Variants in EIF4G3 observed in about 807,000 individuals in gnomAD.
EIF4G3 encodes the protein eIF-4-gamma 3.
A neutral mutation model predicts 186.4 loss-of-function variants in EIF4G3; 34 were observed. The ratio of observed to expected loss-of-function variants is 0.18; its 90% CI spans 0.14 to 0.24. EIF4G3 has a LOEUF of 0.24. EIF4G3 is among the 10% of genes least tolerant of loss of function. EIF4G3 has a pLI of 1.00. For missense variants in EIF4G3, 1,536 were observed against 1,948.5 expected (o/e 0.79, Z 3.99); for synonymous variants, 673 against 679.5 (o/e 0.99, Z 0.15).
intron 4 of EIF4G3, among the ~76,000 whole-genome samples, chr1:21,005,820 C>A (rs1245561440): frequency 6.6e-6 from 1 of 152,068 alleles, no homozygotes; most frequent in East Asian, 1.9e-4. Flanking sequence ...GAATTATTTT[C>A]TATATAGGCT....
chr1:20,972,494 C>A (rs904675269), intron 11 of EIF4G3, among the ~76,000 whole-genome samples: 8 of 152,018 alleles, frequency 5.3e-5, no homozygotes, highest in South Asian at 2.1e-4. Flanking sequence ...ATTAGCCGGG[C>A]CTGGTGGCTT....
chr1:21,023,376 C>T (rs1322096691), intron 4 of EIF4G3, among the ~76,000 whole-genome samples: 3 of 151,152 alleles, frequency 2.0e-5, no homozygotes, highest in South Asian at 2.1e-4. Context: ...CTGCCTGATT[C>T]TCCTGCCTCA....
chr1:20,933,981 T>C (rs538767941), intron 14 of EIF4G3, among the ~76,000 whole-genome samples: 1 of 152,330 alleles, frequency 6.6e-6, no homozygotes, highest in East Asian at 1.9e-4. Context: ...ATTACAGGCA[T>C]GAGCCACTAC....
At chr1:21,119,962 TAGG>T (rs2096897905) in intron 2 of EIF4G3, among the ~76,000 whole-genome samples, 1 of 151,874 alleles carries the variant, frequency 6.6e-6, no homozygotes, top group Admixed American at 6.6e-5. Context: ...GTCAGCTCTA[TAGG>T]TATAAAAATA....
chr1:21,099,069 A>T (rs1325810649), intron 2 of EIF4G3, among the ~76,000 whole-genome samples: 1 of 152,242 alleles, frequency 6.6e-6, no homozygotes, highest in Non-Finnish European at 1.5e-5. Flanking sequence ...CCAAAACGAG[A>T]TATCACTATA....
chr1:21,174,163 G>C (rs1000152753), intron 2 of EIF4G3, among the ~76,000 whole-genome samples: 1 of 152,186 alleles, frequency 6.6e-6, no homozygotes, highest in Non-Finnish European at 1.5e-5. Context: ...ACAAAAGTAA[G>C]TGTTCCATAT....
At chr1:21,137,253 C>A (rs1485636917) in intron 2 of EIF4G3, among the ~76,000 whole-genome samples, 1 of 151,800 alleles carries the variant, frequency 6.6e-6, no homozygotes, top group Non-Finnish European at 1.5e-5. Flanking sequence ...AAGTGATCCT[C>A]CTGCCTCAGC....
chr1:20,860,460 T>C lies in EIF4G3; in HGVS notation c.3169A>G (p.Lys1057Glu). ...TCTTGTTCTTCTATTTTAGCCTCTT[T>C]GTGAATCTGTTCGATAGTTTTAGGC... ...QGPKTIEQIH[K>E]EAKIEEQEEQ... is the part of the protein sequence containing the mutation. Residue 1057 changes from lysine (K) to glutamate (E), a missense_variant, in exon 24 of 37, where the codon AAA becomes GAA. By Grantham distance (56) the Lys-to-Glu change is moderately conservative. Around this residue, in one of 11 missense-constraint regions of EIF4G3, gnomAD observed 110 missense variants for 166.2 expected, o/e 0.66. Coordinates refer to ENST00000602326, the MANE Select transcript of EIF4G3 (RefSeq NM_001391906.1). The C allele has an allele frequency of 3.1e-6, 5 of 1,614,128 alleles. No homozygotes were observed. The highest frequency in any genetic ancestry group is 4.2e-6 in the Non-Finnish European group (5 of 1,180,012).
Position 20,886,332 on chromosome 1 carries a change from T to G in EIF4G3, c.2293A>C (p.Arg765=). 1 of 1,614,058 alleles carries G rather than the reference T, an allele frequency of 6.2e-7. No homozygotes were observed. The highest frequency in any genetic ancestry group is 8.5e-7 in the Non-Finnish European group (1 of 1,179,970). Residue 765 remains arginine, a synonymous_variant, in exon 19 of 37, where the codon AGA becomes CGA. Coordinates refer to ENST00000602326, the MANE Select transcript of EIF4G3 (RefSeq NM_001391906.1). The part of the protein sequence containing the change: ...VGSRRSQPGQ[R]REPRKIITVS... Reference sequence around the variant, plus strand: ...GTGATGATCTTTCTGGGTTCTCTTCTTTGGCCAGGTTGAGATCTTCGTGAC... The same window carrying G: ...GTGATGATCTTTCTGGGTTCTCTTCGTTGGCCAGGTTGAGATCTTCGTGAC...
chr1:21,031,436 C>T (rs2092739325), intron 4 of EIF4G3, among the ~76,000 whole-genome samples: 1 of 145,426 alleles, frequency 6.9e-6, no homozygotes, highest in Admixed American at 6.9e-5. Context: ...ATTTTCGGCA[C>T]AAGGGTTGCA....
At chr1:20,866,253 T>G (rs1473107593) in intron 20 of EIF4G3, among the ~76,000 whole-genome samples, 1 of 152,196 alleles carries the variant, frequency 6.6e-6, no homozygotes, top group East Asian at 1.9e-4. Flanking sequence ...CAGCTGTTGA[T>G]CAAGGCTGGA....
intron 29 of EIF4G3, 176 bp from the exon 30 acceptor site, chr1:20,841,204 G>T: frequency 1.9e-6 from 1 of 523,140 alleles, no homozygotes; most frequent in African/African-American, 1.9e-5. Context: ...GTAAATTACA[G>T]GCTGATATGG....
At chr1:21,085,984 G>A (rs1048651224) in intron 3 of EIF4G3, among the ~76,000 whole-genome samples, 86 of 152,042 alleles carry the variant, frequency 5.7e-4, no homozygotes, top group East Asian at 7.7e-4. Context: ...AAGCCATCGC[G>A]CCTGGCCCAA....
At chr1:20,871,862 C>A (rs1314903373) in intron 20 of EIF4G3, among the ~76,000 whole-genome samples, 1 of 151,144 alleles carries the variant, frequency 6.6e-6, no homozygotes, top group Admixed American at 6.6e-5. Context: ...CTCGCTCTGT[C>A]ACCCAGACTG....
intron 25 of EIF4G3, among the ~76,000 whole-genome samples, chr1:20,855,578 T>G (rs1266631746): frequency 6.6e-6 from 1 of 152,160 alleles, no homozygotes. Context: ...GCACAGGAAG[T>G]TAAGGTGCCT....
At chr1:21,175,946 G>A in intron 2 of EIF4G3, 1 of 227,856 alleles carries the variant, frequency 4.4e-6, no homozygotes, top group Non-Finnish European at 8.4e-6. Flanking sequence ...GCAGAAGCAT[G>A]GCCAAGTGGG....
chr1:20,954,534 CAAAAAAAAAAAAAAA>C (rs35942587), intron 12 of EIF4G3, among the ~76,000 whole-genome samples: 9 of 49,328 alleles, frequency 1.8e-4, no homozygotes, highest in African/African-American at 7.7e-4. Flanking sequence ...GACCCCGTCT[CAAAAAAAAAAAAAAA>C]AAAAAAAAAA....
intron 24 of EIF4G3, among the ~76,000 whole-genome samples, chr1:20,857,924 A>T (rs1403367549): frequency 6.6e-6 from 1 of 152,232 alleles, no homozygotes; most frequent in Non-Finnish European, 1.5e-5. Flanking sequence ...CTGCTTCTCC[A>T]ACATTTCAGC....
chr1:20,915,570 A>C (rs2093771788), intron 14 of EIF4G3, among the ~76,000 whole-genome samples: 2 of 152,236 alleles, frequency 1.3e-5, no homozygotes, highest in African/African-American at 4.8e-5. Context: ...GGTTGGTTTA[A>C]TATTCAAATG....
Sources: allele counts gnomAD v4.1 joint callset (sites outside exome capture counted in the v4.1 genomes callset), GRCh38; gene constraint gnomAD v4.1.1; regional missense constraint gnomAD v4.1.1; transcripts MANE v1.5; gene names NCBI Gene and HGNC (gene_info 2026-07-23, HGNC 2026-07-21).